The following GABBR2 variants were observed in gnomAD, a reference collection of about 807,000 sequenced individuals.
GABBR2 encodes the protein gamma-aminobutyric acid type B receptor subunit 2.
GABBR2 carries 23 observed loss-of-function variants against 105.6 expected under a neutral mutation model. That is an observed-to-expected ratio of 0.22 (90% CI 0.16 to 0.31). GABBR2 has a LOEUF of 0.31. Ranked by LOEUF, GABBR2 falls within the 10% of genes least tolerant of loss-of-function variation. The pLI is 1.00. For synonymous variants in GABBR2, 478 were observed against 499.7 expected, an observed-to-expected ratio of 0.96 and a Z score of 0.58; for missense variants, 734 against 1,245.5, an observed-to-expected ratio of 0.59 and a Z score of 6.18.
chr9:98,690,476 C>T (rs182548575), intron 1 of GABBR2, among the ~76,000 whole-genome samples: 1 of 152,306 alleles, frequency 6.6e-6, no homozygotes, highest in Non-Finnish European at 1.5e-5. Flanking sequence ...CACTGTATTG[C>T]TCTGTTCAGA....
chr9:98,430,112 C>T (rs527236747), intron 7 of GABBR2, among the ~76,000 whole-genome samples: 4 of 152,138 alleles, frequency 2.6e-5, no homozygotes, highest in African/African-American at 9.6e-5. Flanking sequence ...TGGTGAAACC[C>T]TGTCTCTACT....
intron 13 of GABBR2, among the ~76,000 whole-genome samples, chr9:98,329,277 T>G (rs1362409036): frequency 6.6e-6 from 1 of 152,250 alleles, no homozygotes; most frequent in Non-Finnish European, 1.5e-5. Flanking sequence ...TATCTGACTC[T>G]GAAAGTCCAG....
intron 1 of GABBR2, among the ~76,000 whole-genome samples, chr9:98,650,855 T>C (rs923650104): frequency 1.3e-5 from 2 of 152,200 alleles, no homozygotes; most frequent in African/African-American, 2.4e-5. Flanking sequence ...TACATGAGGT[T>C]CCTAAAGCAT....
intron 7 of GABBR2, among the ~76,000 whole-genome samples, chr9:98,415,233 A>G (rs2131545558): frequency 6.6e-6 from 1 of 152,270 alleles, no homozygotes; most frequent in South Asian, 2.1e-4. Context: ...CCTATATTCT[A>G]TAATAAATGG....
At chr9:98,704,563 T>C (rs1830870168) in intron 1 of GABBR2, among the ~76,000 whole-genome samples, 1 of 152,174 alleles carries the variant, frequency 6.6e-6, no homozygotes, top group Admixed American at 6.5e-5. Context: ...GATACAATGT[T>C]AACTGAAGGA....
intron 7 of GABBR2, among the ~76,000 whole-genome samples, chr9:98,414,006 T>C (rs1269530508): frequency 6.6e-6 from 1 of 152,256 alleles, no homozygotes; most frequent in Non-Finnish European, 1.5e-5. Flanking sequence ...CAGCAAGTCC[T>C]GTTGGGCACC....
chr9:98,422,034 G>C (rs866830039), intron 7 of GABBR2, among the ~76,000 whole-genome samples: 51 of 152,196 alleles, frequency 3.4e-4, no homozygotes, highest in African/African-American at 1.2e-3. Context: ...ACAGACAATA[G>C]AATGAAAGAA....
At chr9:98,563,454 CA>C (rs564605011) in intron 2 of GABBR2, among the ~76,000 whole-genome samples, 110 of 152,326 alleles carry the variant, frequency 7.2e-4, no homozygotes, top group African/African-American at 2.5e-3. Flanking sequence ...AAACGCTTCC[CA>C]AACAAGTGGT....
chr9:98,334,961 C>T (rs551579295), intron 13 of GABBR2, among the ~76,000 whole-genome samples: 11 of 152,214 alleles, frequency 7.2e-5, no homozygotes, highest in Admixed American at 2.0e-4. Flanking sequence ...CACTGTGGTT[C>T]CCTTGTCCTT....
At chr9:98,299,133 G>T in intron 17 of GABBR2, 91 bp downstream of exon 17, 3 of 1,099,962 alleles carry the variant, frequency 2.7e-6, no homozygotes, top group Non-Finnish European at 4.2e-6. Flanking sequence ...CCCTGTCTGA[G>T]CCTCAGTTTC....
chr9:98,404,736 G>T (rs1200650786), intron 8 of GABBR2, among the ~76,000 whole-genome samples: 2 of 152,070 alleles, frequency 1.3e-5, no homozygotes, highest in East Asian at 1.9e-4. Flanking sequence ...ATCACACAAA[G>T]AAATTGGTCT....
intron 7 of GABBR2, among the ~76,000 whole-genome samples, chr9:98,443,839 G>A (rs1826074864): frequency 6.6e-6 from 1 of 152,176 alleles, no homozygotes; most frequent in South Asian, 2.1e-4. Flanking sequence ...TTAATATGGG[G>A]ATGGTAGTAC....
intron 13 of GABBR2, among the ~76,000 whole-genome samples, chr9:98,349,367 T>G (rs1831356922): frequency 2.8e-5 from 2 of 72,658 alleles, no homozygotes; most frequent in African/African-American, 4.4e-5. Flanking sequence ...TTTTTTTTTT[T>G]TTTTTTTTTT....
chr9:98,579,145 A>G (rs1217773474), intron 1 of GABBR2, among the ~76,000 whole-genome samples: 2 of 152,186 alleles, frequency 1.3e-5, no homozygotes, highest in East Asian at 3.8e-4. Context: ...CACAGTCTTA[A>G]AAAAATGATG....
At chr9:98,337,318 A>G (rs1831134349) in intron 13 of GABBR2, among the ~76,000 whole-genome samples, 1 of 152,192 alleles carries the variant, frequency 6.6e-6, no homozygotes. Flanking sequence ...AGAAAAAAAA[A>G]TTGCTGAAAG....
chr9:98,548,933 T>G (rs1346694747), intron 2 of GABBR2, among the ~76,000 whole-genome samples: 3 of 121,018 alleles, frequency 2.5e-5, no homozygotes, highest in Non-Finnish European at 3.7e-5. Context: ...TGTTTATTTG[T>G]TTGGTTGGTT....
chr9:98,579,047 G>A (rs1828963721), intron 1 of GABBR2, among the ~76,000 whole-genome samples: 1 of 152,128 alleles, frequency 6.6e-6, no homozygotes, highest in Non-Finnish European at 1.5e-5. Flanking sequence ...GGTGATGGTA[G>A]CTCAGCAATG....
intron 8 of GABBR2, among the ~76,000 whole-genome samples, chr9:98,398,197 T>C (rs1305657978): frequency 6.6e-6 from 1 of 152,186 alleles, no homozygotes; most frequent in Non-Finnish European, 1.5e-5. Context: ...GAATGTGTCC[T>C]TTAGAATTTG....
chr9:98,351,173 T>A (rs375927467), intron 13 of GABBR2, among the ~76,000 whole-genome samples: 4 of 151,820 alleles, frequency 2.6e-5, no homozygotes, highest in East Asian at 3.9e-4. Context: ...GTTGGCTTTT[T>A]AAAAAAAATC....
Sources: gnomAD v4.1 joint callset for allele counts (sites outside exome capture counted in the v4.1 genomes callset) on GRCh38, gnomAD v4.1.1 for gene constraint, MANE v1.5 for transcripts, NCBI Gene and HGNC (gene_info 2026-07-23, HGNC 2026-07-21) for gene names.